GGACT: variants seen among roughly 807,000 people sequenced by gnomAD.
The protein encoded by GGACT is gamma-glutamylamine cyclotransferase.
For synonymous variants in GGACT, 118 were observed against 115.3 expected, an observed-to-expected ratio of 1.02 and a Z score of -0.15; for missense variants, 241 against 233.2, an observed-to-expected ratio of 1.03 and a Z score of -0.22.
Position 100,585,822 on chromosome 13 carries a change from C to CAAAAAAAAAA in GGACT, c.-183-1835_-183-1826dup, listed in dbSNP as rs550006144. ...CAGCCTGGGCAATACCTGTCTCCAC[C>CAAAAAAAAAA]AAAAAAAAAAAAAAAAAAAAAAAAA... On this transcript the variant is annotated intron_variant, in intron 1 of 2. Coordinates refer to ENST00000683975, the MANE Select transcript of GGACT (RefSeq NM_001195087.2). 2.0e-3 allele frequency among the ~76,000 whole-genome samples: 59 copies of CAAAAAAAAAA among 29,544 alleles called. 9 individuals are homozygous for CAAAAAAAAAA. The highest frequency in any genetic ancestry group is 3.7e-3 in the Non-Finnish European group (48 of 12,836). The allele number at this position is 29,544 out of a possible 152,430, so 19.4% of individuals were successfully genotyped here.
intron 2 of GGACT, among the ~76,000 whole-genome samples, chr13:100,567,703 A>G (rs1234094013): frequency 6.6e-6 from 1 of 152,180 alleles, no homozygotes; most frequent in African/African-American, 2.4e-5. Flanking sequence ...ATCTATGTTC[A>G]CTTCTATATC....
chr13:100,570,517 C>G (rs943427615), intron 2 of GGACT, among the ~76,000 whole-genome samples: 1 of 152,162 alleles, frequency 6.6e-6, no homozygotes, highest in African/African-American at 2.4e-5. Context: ...TGTCCACCTG[C>G]CCTCCCACAA....
At chr13:100,532,749 C>A in intron 2 of GGACT, 148 bp from the exon 3 acceptor site, 1 of 623,900 alleles carries the variant, frequency 1.6e-6, no homozygotes, top group Non-Finnish European at 2.8e-6. Context: ...TACTTACCGA[C>A]GCAGATGAGA....
At chr13:100,536,687 T>A (rs2088497070) in intron 2 of GGACT, 1 of 152,188 alleles carries the variant, frequency 6.6e-6, no homozygotes, top group South Asian at 2.1e-4. Flanking sequence ...AGCCACTCTT[T>A]GGAAGTGAGG....
intron 2 of GGACT, among the ~76,000 whole-genome samples, chr13:100,544,297 T>G (rs908452260): frequency 1.4e-4 from 22 of 152,278 alleles, no homozygotes; most frequent in African/African-American, 5.1e-4. Context: ...ACTTTCAACC[T>G]GTGCCTGGCC....
chr13:100,541,283 G>C (rs149865428), intron 2 of GGACT, among the ~76,000 whole-genome samples: 2 of 151,862 alleles, frequency 1.3e-5, no homozygotes, highest in Non-Finnish European at 3.0e-5. Context: ...ACAGAGTGCA[G>C]GGCAAGTATC....
At chr13:100,539,137 C>T (rs1329680711) in intron 2 of GGACT, 4 of 152,168 alleles carry the variant, frequency 2.6e-5, no homozygotes, top group Non-Finnish European at 5.9e-5. Flanking sequence ...TATACAGGAC[C>T]ATATTGTTTA....
chr13:100,532,528 C>G lies in GGACT; in HGVS notation c.64G>C (p.Asp22His), dbSNP rs1453781424. ...AAGGCTGCGGAGCCGTGGGCGCCGT[C>G]CCGCAGGACCCTGTGGTTGGGCTGA... The part of the protein sequence containing the change: ...RGQPNHRVLR[D>H]GAHGSAAFRA... The change falls in exon 3 of 3, where the codon GAC becomes CAC. Residue 22 changes from aspartate to histidine, a missense_variant. Physicochemically the swap from Asp to His is moderately conservative, Grantham distance 81. Transcript: ENST00000683975. 1 of 1,547,978 alleles carries G rather than the reference C, an allele frequency of 6.5e-7. No homozygotes were observed. The highest frequency in any genetic ancestry group is 1.4e-5 in the African/African-American group (1 of 72,972).
intron 2 of GGACT, chr13:100,537,798 A>G (rs2088511634): frequency 6.6e-6 from 1 of 152,276 alleles, no homozygotes; most frequent in Admixed American, 6.5e-5. Flanking sequence ...TGGAAGCAGC[A>G]CAGACTTTGG....
chr13:100,581,604 T>C (rs1875419335), intron 2 of GGACT, among the ~76,000 whole-genome samples: 1 of 152,218 alleles, frequency 6.6e-6, no homozygotes, highest in Non-Finnish European at 1.5e-5. Flanking sequence ...ATAACATATG[T>C]AGACACTTTC....
At chr13:100,539,997 G>C in intron 2 of GGACT, 1 of 1,508,020 alleles carries the variant, frequency 6.6e-7, no homozygotes, top group Non-Finnish European at 9.1e-7. Context: ...ATCGATTCCT[G>C]ACTACTTTGC....
At chr13:100,543,196 G>T (rs2088570234) in intron 2 of GGACT, among the ~76,000 whole-genome samples, 10 of 63,654 alleles carry the variant, frequency 1.6e-4, no homozygotes, top group African/African-American at 2.0e-4. Flanking sequence ...AAAGACACCA[G>T]CTTTTTTTTT....
Position 100,530,281 on chromosome 13 carries a change from C to G in GGACT, c.*1849G>C, listed in dbSNP as rs41281122. On this transcript the variant is annotated 3_prime_UTR_variant, in exon 3 of 3. Coordinates refer to ENST00000683975, the MANE Select transcript of GGACT (RefSeq NM_001195087.2). ...CACCCCTGTGCAGCTACGTTTACGT[C>G]GTCATTTATTCCACAGAGTCAAGAC... The G allele has an allele frequency of 7.1e-6, 6 of 850,400 alleles. No individual in the cohort carries two copies. In the East Asian group the frequency reaches 1.5e-4, roughly 22 times the overall value. 52.7% of individuals were successfully genotyped at this position (850,400 alleles called of 1,614,324 possible).
intron 1 of GGACT, among the ~76,000 whole-genome samples, 163 bp from the exon 2 acceptor site, chr13:100,584,160 T>C (rs769594152): frequency 2.0e-5 from 3 of 152,234 alleles, no homozygotes; most frequent in Non-Finnish European, 2.9e-5. Flanking sequence ...AGTGCAAAAA[T>C]GCAGTCCACA....
intron 2 of GGACT, chr13:100,539,259 G>GA (rs149951283): frequency 6.6e-6 from 1 of 152,320 alleles, no homozygotes; most frequent in African/African-American, 2.4e-5. Flanking sequence ...CAGAACTGAT[G>GA]AAAGCAGCAT....
intron 2 of GGACT, among the ~76,000 whole-genome samples, chr13:100,565,967 A>G (rs2088807155): frequency 1.3e-5 from 2 of 152,146 alleles, no homozygotes; most frequent in African/African-American, 4.8e-5. Flanking sequence ...CAGATCCCCT[A>G]CTGTGAAGGA....
chr13:100,588,466 A>C (rs1875648836), intron 1 of GGACT: 1 of 152,146 alleles, frequency 6.6e-6, no homozygotes, highest in Admixed American at 6.5e-5. Context: ...CCTGGCTTTT[A>C]CCGCCCTCTG....
chr13:100,587,915 A>C (rs992049719), intron 1 of GGACT, among the ~76,000 whole-genome samples: 1 of 152,138 alleles, frequency 6.6e-6, no homozygotes, highest in African/African-American at 2.4e-5. Flanking sequence ...AATCCCAGCT[A>C]CCCGGGAGAC....
Position 100,534,467 on chromosome 13 carries a change from G to A in GGACT, c.-10-1866C>T, listed in dbSNP as rs1008131069. On this transcript the variant is annotated intron_variant, in intron 2 of 2. Transcript: ENST00000683975. The surrounding 1 kb of genome is among the most constrained non-coding windows in gnomAD (Gnocchi z 4.9). ...CTCAGGCCTAAAATTGCCAGGACTC[G>A]GCTGCTGGGGTGTACGTGAAAATGA... 1.5e-4 allele frequency among the ~76,000 whole-genome samples: 22 copies of A among 151,670 alleles called. No individual in the cohort carries two copies. Among genetic ancestry groups the A allele is most frequent in the African/African-American group, 4.4e-4 (18 of 40,982 alleles).
Sources: allele counts gnomAD v4.1 joint callset (sites outside exome capture counted in the v4.1 genomes callset), GRCh38; gene constraint gnomAD v4.1.1; non-coding constraint Gnocchi (gnomAD v3.1); transcripts MANE v1.5; gene names NCBI Gene and HGNC (gene_info 2026-07-23, HGNC 2026-07-21).